TNRC6B: variants seen among roughly 807,000 people sequenced by gnomAD.
TNRC6B encodes trinucleotide repeat-containing gene 6B protein.
A neutral mutation model predicts 203.6 loss-of-function variants in TNRC6B; 52 were observed. That is an observed-to-expected ratio of 0.26 (90% CI 0.20 to 0.32). The LOEUF (loss-of-function observed/expected upper bound fraction) is 0.32, where lower values mean the gene tolerates loss of function less well. Ranked by LOEUF, TNRC6B falls within the 10% of genes least tolerant of loss-of-function variation. TNRC6B has a pLI of 1.00. For missense variants in TNRC6B, 1,923 were observed against 2,286.2 expected (o/e 0.84, Z 3.24); for synonymous variants, 838 against 845.7 (o/e 0.99, Z 0.16).
chr22:40,273,549 T>A lies in TNRC6B; in HGVS notation c.3090T>A (p.Ala1030=). 2.5e-6 allele frequency: 4 copies of A among 1,592,320 alleles called. No individual in the cohort carries two copies. The highest frequency in any genetic ancestry group is 3.4e-6 in the Non-Finnish European group (4 of 1,169,164). Residue 1030 remains alanine (A), a synonymous_variant, in exon 7 of 23, where the codon GCT becomes GCA. Coordinates refer to ENST00000454349, the MANE Select transcript of TNRC6B (RefSeq NM_001162501.2). ...ACACCACTGGCTCTCAGGGCAGTGC[T>A]TCCTCCCACAACTCAGCAAGCTGGG... ...VWNTTGSQGS[A]SSHNSASWGQ...
chr22:40,232,903 G>A (rs1246179792), intron 1 of TNRC6B, among the ~76,000 whole-genome samples: 2 of 152,108 alleles, frequency 1.3e-5, no homozygotes, highest in Admixed American at 1.3e-4. Context: ...TGTAATCCCA[G>A]CACTTTAGGA....
intron 2 of TNRC6B, among the ~76,000 whole-genome samples, chr22:40,249,023 A>C (rs1165349753): frequency 3.3e-5 from 5 of 152,198 alleles, no homozygotes; most frequent in Admixed American, 2.0e-4. Flanking sequence ...CTATGATGCA[A>C]AGAATCGTGG....
At chr22:40,065,829 A>G (rs1460258684) in intron 1 of TNRC6B, among the ~76,000 whole-genome samples, 2 of 152,110 alleles carry the variant, frequency 1.3e-5, no homozygotes, top group Admixed American at 1.3e-4. Flanking sequence ...GTGCCCCACG[A>G]ATGATGGTTT....
chr22:40,046,932 A>G (rs1367224904), intron 1 of TNRC6B, among the ~76,000 whole-genome samples: 1 of 152,126 alleles, frequency 6.6e-6, no homozygotes, highest in African/African-American at 2.4e-5. Flanking sequence ...GGCGTGAGCC[A>G]CCGCGCCCGG....
intron 1 of TNRC6B, among the ~76,000 whole-genome samples, chr22:40,202,480 G>A (rs1485411757): frequency 6.6e-6 from 1 of 152,044 alleles, no homozygotes; most frequent in East Asian, 1.9e-4. Context: ...ACGCATGTAG[G>A]ACAGGAGATG....
rs552143301 is a variant in TNRC6B, at chr22:40,326,493, T to A, written c.*3252T>A. The A allele has an allele frequency of 6.5e-6, 1 of 152,732 alleles. No individual in the cohort carries two copies. Among genetic ancestry groups the A allele is most frequent in the African/African-American group, 2.4e-5 (1 of 41,576 alleles). The allele number at this position is 152,732 out of a possible 1,614,324, so 9.5% of individuals were successfully genotyped here. Reference sequence around the variant, plus strand: ...GCTCGATCATGGATTCTTTTGAAATTGTGTGTAGTTTAATGGGAGAGTGTT... The same window carrying A: ...GCTCGATCATGGATTCTTTTGAAATAGTGTGTAGTTTAATGGGAGAGTGTT... On this transcript the variant is annotated 3_prime_UTR_variant, in exon 23 of 23. Coordinates refer to ENST00000454349, the MANE Select transcript of TNRC6B (RefSeq NM_001162501.2).
rs73420506 is a variant in TNRC6B, at chr22:40,231,265, C to T, written c.6-14750C>T. Among the ~76,000 whole-genome samples the T allele has an allele frequency of 6.7e-3, 1,027 of 152,226 alleles. 7 individuals are homozygous for T. Among genetic ancestry groups the T allele is most frequent in the African/African-American group, 0.023 (954 of 41,536 alleles). ...TTTTCCATATGAATTTTAGAAGGTA[C>T]TTGTCAATTTCTACAAAAAAATTCT... On this transcript the variant is annotated intron_variant, in intron 1 of 22. Coordinates refer to ENST00000454349, the MANE Select transcript of TNRC6B (RefSeq NM_001162501.2).
intron 3 of TNRC6B, among the ~76,000 whole-genome samples, chr22:40,150,970 C>G (rs1293503018): frequency 1.3e-5 from 2 of 152,256 alleles, no homozygotes; most frequent in Non-Finnish European, 2.9e-5. Context: ...CACCCAAAAT[C>G]AAGCTCTTTA....
rs572949723 is a variant in TNRC6B, at chr22:40,083,627, CAGTG to C, written c.-120-33422_-120-33419del. Among the ~76,000 whole-genome samples the C allele has an allele frequency of 6.6e-5, 10 of 151,928 alleles. 2 individuals carry two copies. The South Asian group carries it at 2.1e-3, about 32-fold the overall frequency. ...ATGCACGTGGGGGTGATCCAGGAAACAGTGAGTGAAGGTTGGTGGAGGAAAAAGG... is the reference window on the plus strand; with the variant it reads ...ATGCACGTGGGGGTGATCCAGGAAACAGTGAAGGTTGGTGGAGGAAAAAGG... On this transcript the variant is annotated intron_variant, in intron 1 of 23. Coordinates refer to the TNRC6B transcript ENST00000301923.
At chr22:40,255,620 A>G (rs1395307012) in intron 3 of TNRC6B, among the ~76,000 whole-genome samples, 1 of 152,214 alleles carries the variant, frequency 6.6e-6, no homozygotes, top group Non-Finnish European at 1.5e-5. Flanking sequence ...TGTGGCTCCA[A>G]TAAATTGGCA....
In TNRC6B at chr22:40,326,648, A is replaced by G. The variant is rs1348981801; in HGVS notation, c.*3407A>G. 1.3e-5 allele frequency: 2 copies of G among 152,598 alleles called. No homozygotes were observed. Among genetic ancestry groups the G allele is most frequent in the African/African-American group, 4.8e-5 (2 of 41,426 alleles). 9.5% of individuals were successfully genotyped at this position (152,598 alleles called of 1,614,324 possible). A position where few individuals can be genotyped will look rare whatever the true frequency, so the allele number is the denominator to read the frequency against. On this transcript the variant is annotated 3_prime_UTR_variant, in exon 23 of 23. Transcript: ENST00000454349. ...GTCCCCACAACCCCAGCAACAAAAG[A>G]AAGGAAGGAAGGAAGAAACAACAGC...
At chr22:40,288,484 TGCTTCAGCCCAG>T (rs2070818803) in intron 12 of TNRC6B, among the ~76,000 whole-genome samples, 1 of 152,072 alleles carries the variant, frequency 6.6e-6, no homozygotes, top group South Asian at 2.1e-4. Context: ...GCAGGCAGAT[TGCTTCAGCCCAG>T]GAGTTTGAGA....
chr22:40,186,920 A>G (rs2069211678), intron 1 of TNRC6B, among the ~76,000 whole-genome samples: 1 of 152,098 alleles, frequency 6.6e-6, no homozygotes, highest in Non-Finnish European at 1.5e-5. Flanking sequence ...CTTACAACAC[A>G]TTTCAGTTCA....
rs1389182793 is a variant in TNRC6B, at chr22:40,218,409, C to T, written c.6-27606C>T. Among the ~76,000 whole-genome samples, 21 of 147,840 alleles carry T rather than the reference C, an allele frequency of 1.4e-4. 1 individual carries two copies. In the Admixed American group the frequency reaches 1.5e-3, roughly 10 times the overall value. ...TGGCATGATCGTGGCTCTCTGCAGC[C>T]TCGACCTCCTGGGCTCAGGCAATCT... On this transcript the variant is annotated intron_variant, in intron 1 of 22. Transcript: ENST00000454349.
intron 1 of TNRC6B, among the ~76,000 whole-genome samples, chr22:40,091,272 A>G (rs1325157873): frequency 6.6e-6 from 1 of 152,078 alleles, no homozygotes; most frequent in African/African-American, 2.4e-5. Context: ...TAAAAAAGCT[A>G]TTGGATACCA....
intron 1 of TNRC6B, among the ~76,000 whole-genome samples, chr22:40,237,430 C>A (rs1258892342): frequency 6.6e-6 from 1 of 152,188 alleles, no homozygotes; most frequent in Non-Finnish European, 1.5e-5. Context: ...AATTCTCAGC[C>A]TCAGCCTGGT....
chr22:40,270,512 G>A (rs1404465036), intron 6 of TNRC6B, among the ~76,000 whole-genome samples: 1 of 151,958 alleles, frequency 6.6e-6, no homozygotes, highest in Non-Finnish European at 1.5e-5. Flanking sequence ...TAGAGATGGG[G>A]TTTCTCCATG....
intron 3 of TNRC6B, among the ~76,000 whole-genome samples, chr22:40,254,379 G>A (rs1465200289): frequency 1.3e-5 from 2 of 152,162 alleles, no homozygotes; most frequent in Non-Finnish European, 2.9e-5. Context: ...TAGGGGCCAG[G>A]CACCGTGGCA....
intron 3 of TNRC6B, among the ~76,000 whole-genome samples, chr22:40,258,343 G>A (rs1260027351): frequency 1.3e-5 from 2 of 152,098 alleles, no homozygotes; most frequent in African/African-American, 2.4e-5. Flanking sequence ...GATGGGTGAT[G>A]CACACTGATT....
Sources: gnomAD v4.1 joint callset for allele counts (sites outside exome capture counted in the v4.1 genomes callset) on GRCh38, gnomAD v4.1.1 for gene constraint, MANE v1.5 for transcripts, NCBI Gene and HGNC (gene_info 2026-07-23, HGNC 2026-07-21) for gene names.